The following GOLM2 variants were observed in gnomAD, a reference collection of about 807,000 sequenced individuals.
The protein encoded by GOLM2 is golgi membrane protein 2, also known as protein GOLM2.
GOLM2 carries 26 observed loss-of-function variants against 55.9 expected under a neutral mutation model. The observed-to-expected ratio is 0.47, with a 90% CI of 0.34 to 0.65. GOLM2 has a LOEUF of 0.65. Ranked by LOEUF, GOLM2 falls within the 30% of genes least tolerant of loss-of-function variation. The pLI, the probability that GOLM2 is intolerant of heterozygous loss-of-function variation, is 0.01. For missense variants in GOLM2, 486 were observed against 531.8 expected (o/e 0.91, Z 0.85); for synonymous variants, 165 against 194.6 (o/e 0.85, Z 1.27).
At chr15:44,340,881 A>G (rs2079086316) in intron 6 of GOLM2, among the ~76,000 whole-genome samples, 1 of 152,136 alleles carries the variant, frequency 6.6e-6, no homozygotes, top group African/African-American at 2.4e-5. Context: ...GCGGTTGTGT[A>G]TTTTAAAAAC....
chr15:44,411,674 C>A (rs1269359211), intron 9 of GOLM2, among the ~76,000 whole-genome samples: 2 of 151,606 alleles, frequency 1.3e-5, no homozygotes, highest in Non-Finnish European at 2.9e-5. Flanking sequence ...ACTAAAAATA[C>A]AAAAATTAGC....
At chr15:44,382,273 ATATCT>A (rs1469530573) in intron 8 of GOLM2, 5 of 152,126 alleles carry the variant, frequency 3.3e-5, no homozygotes, top group Non-Finnish European at 7.3e-5. Context: ...AACAAATAAA[ATATCT>A]TAATTTGATC....
intron 2 of GOLM2, among the ~76,000 whole-genome samples, chr15:44,325,078 A>G (rs995945274): frequency 1.3e-5 from 2 of 152,216 alleles, no homozygotes; most frequent in African/African-American, 4.8e-5. Context: ...GGTTTGTTAC[A>G]TAGGTAAACA....
intron 1 of GOLM2, among the ~76,000 whole-genome samples, chr15:44,318,164 TTTCATTTTCATGTAA>T (rs763509348): frequency 2.0e-5 from 3 of 152,322 alleles, no homozygotes; most frequent in Admixed American, 6.5e-5. Context: ...GACACTGAAG[TTTCATTTTCATGTAA>T]TTCATATATC....
rs372220445 is a variant in GOLM2, at chr15:44,289,077, C to G, written c.48C>G (p.Leu16=). 3 of 1,614,072 alleles carry G rather than the reference C, an allele frequency of 1.9e-6. No homozygotes were observed. The highest frequency in any genetic ancestry group is 2.7e-5 in the African/African-American group (2 of 75,060). The change falls in exon 1 of 10, where the codon CTC becomes CTG. Residue 16 remains leucine (L), a synonymous_variant. Coordinates refer to ENST00000299957, the MANE Select transcript of GOLM2 (RefSeq NM_138423.4). This position sits in a 1 kb window ranked among gnomAD's most constrained non-coding sequence, Gnocchi z 4.8. ...GGCGGGCTGGCCGCCTGCCCTCTCT[C>G]GTGCTGGTGGTGCTGCTGGTGGTGA... The part of the protein sequence containing the change: ...ANRRAGRLPS[L]VLVVLLVVIV...
chr15:44,407,350 C>T (rs1327593437), intron 9 of GOLM2, among the ~76,000 whole-genome samples: 4 of 150,930 alleles, frequency 2.7e-5, no homozygotes, highest in African/African-American at 4.9e-5. Context: ...ACTGCAGCCT[C>T]GACCTCCTGG....
At chr15:44,339,813 AT>A (rs2079079539) in intron 6 of GOLM2, among the ~76,000 whole-genome samples, 1 of 150,934 alleles carries the variant, frequency 6.6e-6, no homozygotes, top group Non-Finnish European at 1.5e-5. Flanking sequence ...TTTATTTTTT[AT>A]TTTCTTTATT....
At chr15:44,397,492 A>AC (rs2079534990) in intron 8 of GOLM2, among the ~76,000 whole-genome samples, 4 of 148,972 alleles carry the variant, frequency 2.7e-5, no homozygotes, top group African/African-American at 7.4e-5. Flanking sequence ...AAAAAAAAAA[A>AC]AAAAAAAAAA....
chr15:44,298,265 CTTTT>C, intron 1 of GOLM2, among the ~76,000 whole-genome samples: 1 of 134,406 alleles, frequency 7.4e-6, no homozygotes, highest in Non-Finnish European at 1.6e-5. Flanking sequence ...TTTTCTTTTT[CTTTT>C]TTTTTTTTTT....
chr15:44,398,834 T>C (rs1404445282), intron 8 of GOLM2, among the ~76,000 whole-genome samples: 1 of 151,724 alleles, frequency 6.6e-6, no homozygotes, highest in Non-Finnish European at 1.5e-5. Context: ...AGCCAGCTAA[T>C]TTTTTGTATT....
chr15:44,303,144 T>C (rs2078811304), intron 1 of GOLM2, among the ~76,000 whole-genome samples: 1 of 150,452 alleles, frequency 6.6e-6, no homozygotes, highest in Non-Finnish European at 1.5e-5. Context: ...AAATAAATAG[T>C]CTAAATCTAG....
intron 1 of GOLM2, among the ~76,000 whole-genome samples, chr15:44,315,553 A>T (rs966306661): frequency 6.6e-6 from 1 of 152,178 alleles, no homozygotes; most frequent in Non-Finnish European, 1.5e-5. Context: ...AGGAAGAAAG[A>T]TTAAGGGAAA....
chr15:44,307,078 T>A (rs982189978), intron 1 of GOLM2, among the ~76,000 whole-genome samples: 3 of 152,146 alleles, frequency 2.0e-5, no homozygotes, highest in African/African-American at 7.2e-5. Flanking sequence ...ATTGTGCCAA[T>A]ACATTTGCTC....
chr15:44,408,877 T>G (rs2079615291), intron 9 of GOLM2, among the ~76,000 whole-genome samples: 1 of 152,110 alleles, frequency 6.6e-6, no homozygotes, highest in African/African-American at 2.4e-5. Flanking sequence ...GGCAGGAGAA[T>G]GGTGTGAACC....
At chr15:44,306,284 C>A (rs558908702) in intron 1 of GOLM2, among the ~76,000 whole-genome samples, 1 of 152,270 alleles carries the variant, frequency 6.6e-6, no homozygotes, top group African/African-American at 2.4e-5. Context: ...TCCCCTTGCA[C>A]CTTTATGTTA....
intron 6 of GOLM2, among the ~76,000 whole-genome samples, chr15:44,364,148 C>T (rs548836348): frequency 3.0e-4 from 45 of 152,160 alleles, no homozygotes; most frequent in African/African-American, 1.1e-3. Context: ...ATGTATGTAA[C>T]TAACCTGCAC....
chr15:44,407,300 C>T (rs1006088434), intron 9 of GOLM2, among the ~76,000 whole-genome samples: 1 of 149,160 alleles, frequency 6.7e-6, no homozygotes, highest in Admixed American at 6.7e-5. Flanking sequence ...GGGTGTCCCT[C>T]TGTCACCCAG....
At chr15:44,403,261 C>T in intron 9 of GOLM2, 1 of 543,904 alleles carries the variant, frequency 1.8e-6, no homozygotes, top group Non-Finnish European at 3.3e-6. Context: ...CTCCCGGGTT[C>T]AAGCGATTCT....
intron 6 of GOLM2, among the ~76,000 whole-genome samples, chr15:44,344,955 C>T (rs1179533834): frequency 5.4e-5 from 8 of 149,410 alleles, no homozygotes; most frequent in East Asian, 4.0e-4. Flanking sequence ...TACAGGCACC[C>T]GCCACCATGC....
Sources: allele counts gnomAD v4.1 joint callset (sites outside exome capture counted in the v4.1 genomes callset), GRCh38; gene constraint gnomAD v4.1.1; non-coding constraint Gnocchi (gnomAD v3.1); transcripts MANE v1.5; gene names NCBI Gene and HGNC (gene_info 2026-07-23, HGNC 2026-07-21).